Variants in HECW2 observed in about 807,000 individuals in gnomAD.
HECW2 encodes HECT, C2 and WW domain containing E3 ubiquitin protein ligase 2.
A neutral mutation model predicts 175.2 loss-of-function variants in HECW2; 61 were observed. The ratio of observed to expected loss-of-function variants is 0.35; its 90% confidence interval spans 0.28 to 0.43. The LOEUF is 0.43. Ranked by LOEUF, HECW2 falls within the 20% of genes least tolerant of loss-of-function variation. The probability of loss-of-function intolerance (pLI) is 1.00; values close to 1 mark genes in which losing one functional copy is unlikely to be tolerated. For synonymous variants in HECW2, 671 were observed against 731.0 expected, an observed-to-expected ratio of 0.92 and a Z score of 1.32; for missense variants, 1,524 against 2,000.5, an observed-to-expected ratio of 0.76 and a Z score of 4.54.
intron 13 of HECW2, among the ~76,000 whole-genome samples, chr2:196,297,075 CATG>C (rs1318694790): frequency 6.6e-6 from 1 of 152,172 alleles, no homozygotes; most frequent in Non-Finnish European, 1.5e-5. Context: ...AACATAGTCT[CATG>C]ATAATGAACA....
At chr2:196,286,354 T>C (rs555250894) in intron 14 of HECW2, among the ~76,000 whole-genome samples, 14 of 145,294 alleles carry the variant, frequency 9.6e-5, no homozygotes, top group Middle Eastern at 3.8e-3. Context: ...GTTGAAATCA[T>C]ATATTCATAT....
chr2:196,440,276 C>T (rs1045263257), intron 1 of HECW2, among the ~76,000 whole-genome samples: 2 of 152,042 alleles, frequency 1.3e-5, no homozygotes, highest in Admixed American at 1.3e-4. Context: ...GGTTTAAAAA[C>T]CTCATTCAGA....
At chr2:196,434,873 A>C (rs1017219989) in intron 1 of HECW2, among the ~76,000 whole-genome samples, 1 of 152,222 alleles carries the variant, frequency 6.6e-6, no homozygotes, top group Non-Finnish European at 1.5e-5. Context: ...TTAAAAAACA[A>C]ACAAAGTAAC....
chr2:196,321,172 G>A (rs963407748), intron 7 of HECW2, among the ~76,000 whole-genome samples: 2 of 152,200 alleles, frequency 1.3e-5, no homozygotes, highest in African/African-American at 4.8e-5. Flanking sequence ...GGTTGGCAAA[G>A]CCAGATGTGC....
At chr2:196,562,222 C>G (rs1387084708) in intron 1 of HECW2, among the ~76,000 whole-genome samples, 1 of 152,142 alleles carries the variant, frequency 6.6e-6, no homozygotes, top group African/African-American at 2.4e-5. Flanking sequence ...AGTTCCTTCC[C>G]TTTCCCAGCT....
chr2:196,459,173 GAGTACCACTTCGGAT>G (rs1696637647), intron 1 of HECW2, among the ~76,000 whole-genome samples: 1 of 152,158 alleles, frequency 6.6e-6, no homozygotes, highest in Non-Finnish European at 1.5e-5. Context: ...TCCAGAAAAG[GAGTACCACTTCGGAT>G]CAGATTAGAC....
intron 2 of HECW2, among the ~76,000 whole-genome samples, chr2:196,364,109 C>T (rs1455059787): frequency 1.3e-5 from 2 of 152,180 alleles, no homozygotes; most frequent in Non-Finnish European, 2.9e-5. Flanking sequence ...CTCTGAATCC[C>T]ACCTGAGGCT....
At chr2:196,535,935 CA>C (rs1015556940) in intron 1 of HECW2, among the ~76,000 whole-genome samples, 7 of 151,996 alleles carry the variant, frequency 4.6e-5, no homozygotes, top group South Asian at 2.1e-4. Flanking sequence ...AATCTACCTC[CA>C]GGGGGATCAC....
At chr2:196,570,459 C>A (rs893874488) in intron 1 of HECW2, among the ~76,000 whole-genome samples, 11 of 152,072 alleles carry the variant, frequency 7.2e-5, no homozygotes, top group African/African-American at 2.2e-4. Flanking sequence ...GGACAGAAAC[C>A]CAAACACTGC....
chr2:196,446,897 T>C (rs1696202129), intron 1 of HECW2, among the ~76,000 whole-genome samples: 2 of 152,318 alleles, frequency 1.3e-5, no homozygotes, highest in Middle Eastern at 6.8e-3. Flanking sequence ...TGAGGTACTG[T>C]TCTTGCACTA....
rs998591890 is a variant in HECW2, at chr2:196,332,622, A to G, written c.495+1802T>C. ...ATAAGATCAGTGTTCAACAAACCGT[A>G]AACTCCCACTGCCTTCAATGATATC... On this transcript the variant is annotated intron_variant, in intron 4 of 28. Transcript: ENST00000644978. Among the ~76,000 whole-genome samples the G allele has an allele frequency of 4.6e-5, 7 of 152,332 alleles. No individual in the cohort carries two copies. In the East Asian group the frequency reaches 1.3e-3, roughly 29 times the overall value.
intron 1 of HECW2, among the ~76,000 whole-genome samples, chr2:196,473,980 G>A (rs1472065885): frequency 6.6e-6 from 1 of 152,178 alleles, no homozygotes; most frequent in East Asian, 1.9e-4. Flanking sequence ...AATTTTTCTA[G>A]AACCAACTTC....
chr2:196,219,057 C>T (rs1687575626), intron 26 of HECW2, among the ~76,000 whole-genome samples: 1 of 152,108 alleles, frequency 6.6e-6, no homozygotes, highest in Admixed American at 6.6e-5. Flanking sequence ...TTTAAAACTA[C>T]CTTTTTTAAA....
chr2:196,562,997 C>T (rs555599272), intron 1 of HECW2, among the ~76,000 whole-genome samples: 9 of 152,184 alleles, frequency 5.9e-5, no homozygotes, highest in South Asian at 2.1e-4. Context: ...GAGCCATGAA[C>T]GCACAATGTA....
At chr2:196,432,106 T>A (rs772707471) in intron 2 of HECW2, among the ~76,000 whole-genome samples, 2 of 152,048 alleles carry the variant, frequency 1.3e-5, no homozygotes, top group African/African-American at 2.4e-5. Flanking sequence ...TGGCTTCATA[T>A]CCCCCTACCC....
chr2:196,408,462 A>G (rs1003805272), intron 2 of HECW2, among the ~76,000 whole-genome samples: 1 of 152,202 alleles, frequency 6.6e-6, no homozygotes, highest in African/African-American at 2.4e-5. Flanking sequence ...GATTTTTATG[A>G]CACTGTATCC....
At chr2:196,464,032 CTT>C (rs566232395) in intron 1 of HECW2, among the ~76,000 whole-genome samples, 1 of 144,278 alleles carries the variant, frequency 6.9e-6, no homozygotes. Flanking sequence ...CCAGCTTTTC[CTT>C]TTTTTTTTTT....
intron 1 of HECW2, among the ~76,000 whole-genome samples, chr2:196,509,351 T>C (rs59810929): frequency 6.6e-6 from 1 of 152,114 alleles, no homozygotes; most frequent in African/African-American, 2.4e-5. Flanking sequence ...CCCAGTCTTT[T>C]TGAGTTTTTA....
chr2:196,381,222 C>A lies in HECW2; in HGVS notation c.293-37458G>T, dbSNP rs568785040. Among the ~76,000 whole-genome samples the A allele has an allele frequency of 5.3e-5, 8 of 152,218 alleles. No individual in the cohort carries two copies. In the South Asian group the frequency reaches 1.7e-3, roughly 32 times the overall value. On this transcript the variant is annotated intron_variant, in intron 2 of 28. Coordinates refer to ENST00000644978, the MANE Select transcript of HECW2 (RefSeq NM_001348768.2). ...GTGACCATGAACCTCACCAATCACC[C>A]CACATGGTTCTCACGTCACTGAGTC...
Sources: allele counts gnomAD v4.1 joint callset (sites outside exome capture counted in the v4.1 genomes callset), GRCh38; gene constraint gnomAD v4.1.1; transcripts MANE v1.5; gene names NCBI Gene and HGNC (gene_info 2026-07-23, HGNC 2026-07-21).